The following GALNTL6 variants were observed in gnomAD, a reference collection of about 807,000 sequenced individuals.
The protein encoded by GALNTL6 is polypeptide N-acetylgalactosaminyltransferase like 6, also known as polypeptide N-acetylgalactosaminyltransferase-like 6.
Under a neutral mutation model 73.7 loss-of-function variants are expected in GALNTL6, and 46 were observed. That is an observed-to-expected ratio of 0.62 (90% CI 0.49 to 0.80). The LOEUF (loss-of-function observed/expected upper bound fraction) is 0.80, where lower values mean the gene tolerates loss of function less well. Ranked by LOEUF, GALNTL6 falls within the 30% of genes least tolerant of loss-of-function variation. GALNTL6 has a pLI of 0.00. For synonymous variants in GALNTL6, 259 were observed against 263.7 expected (o/e 0.98, Z 0.17); for missense variants, 604 against 755.0 (o/e 0.80, Z 2.34).
intron 5 of GALNTL6, chr4:172,669,328 A>T (rs1325006086): frequency 6.6e-6 from 1 of 152,176 alleles, no homozygotes; most frequent in African/African-American, 2.4e-5. Context: ...ACTCTCCCCC[A>T]CTTAACTAAG....
intron 2 of GALNTL6, among the ~76,000 whole-genome samples, chr4:171,888,188 A>T (rs931975969): frequency 2.6e-5 from 4 of 151,936 alleles, no homozygotes; most frequent in Non-Finnish European, 5.9e-5. Context: ...CGTCAGTGAG[A>T]ATTTAATAAC....
intron 2 of GALNTL6, among the ~76,000 whole-genome samples, chr4:171,904,580 A>G (rs939924014): frequency 1.1e-4 from 17 of 152,196 alleles, no homozygotes; most frequent in Non-Finnish European, 2.2e-4. Context: ...GCAGGATATT[A>G]TCCAGGAGAA....
chr4:172,318,366 A>G (rs193243049), intron 4 of GALNTL6, among the ~76,000 whole-genome samples: 2 of 152,186 alleles, frequency 1.3e-5, no homozygotes, highest in African/African-American at 4.8e-5. Flanking sequence ...GTCAGACATT[A>G]ACCTTTTGGA....
At chr4:172,751,701 C>T (rs536287967) in intron 5 of GALNTL6, among the ~76,000 whole-genome samples, 2 of 152,320 alleles carry the variant, frequency 1.3e-5, no homozygotes, top group African/African-American at 4.8e-5. Context: ...TGGGCACATC[C>T]ACAAGACACA....
chr4:171,899,503 A>G (rs1737020715), intron 2 of GALNTL6, among the ~76,000 whole-genome samples: 1 of 152,160 alleles, frequency 6.6e-6, no homozygotes, highest in Admixed American at 6.5e-5. Context: ...TATTTAATGT[A>G]TCACGGTCTA....
chr4:172,552,837 T>TAAAAAAAAAAAAAAAAAAAAAAAAAAAA (rs397933315), intron 5 of GALNTL6, among the ~76,000 whole-genome samples: 6 of 80,410 alleles, frequency 7.5e-5, no homozygotes, highest in African/African-American at 1.8e-4. Flanking sequence ...GTAATTGCAG[T>TAAAAAAAAAAAAAAAAAAAAAAAAAAAA]AAAAAAAAAA....
intron 5 of GALNTL6, among the ~76,000 whole-genome samples, chr4:172,357,634 T>TACACAC (rs5864129): frequency 0.056 from 8,167 of 145,676 alleles, 478 homozygotes; most frequent in African/African-American, 0.14. Flanking sequence ...TATAGATATA[T>TACACAC]ACACACACAC....
chr4:172,928,493 A>T, intron 8 of GALNTL6, among the ~76,000 whole-genome samples: 1 of 152,258 alleles, frequency 6.6e-6, no homozygotes, highest in East Asian at 1.9e-4. Flanking sequence ...GCCTTAAATT[A>T]TCAGCTAGAT....
chr4:171,874,392 G>T (rs555346436), intron 2 of GALNTL6, among the ~76,000 whole-genome samples: 2 of 152,144 alleles, frequency 1.3e-5, no homozygotes, highest in African/African-American at 4.8e-5. Context: ...GTTTCACAAT[G>T]TTGGCCAGGC....
chr4:171,941,317 G>GA (rs1032790688), intron 2 of GALNTL6, among the ~76,000 whole-genome samples: 14 of 151,626 alleles, frequency 9.2e-5, no homozygotes, highest in African/African-American at 2.7e-4. Context: ...CCCTTTATTT[G>GA]AAAAAAAAGA....
intron 5 of GALNTL6, among the ~76,000 whole-genome samples, chr4:172,497,402 G>T (rs780897253): frequency 1.3e-5 from 2 of 152,172 alleles, no homozygotes; most frequent in African/African-American, 2.4e-5. Flanking sequence ...ATTACCTGAT[G>T]ATTTTTCTAA....
intron 3 of GALNTL6, among the ~76,000 whole-genome samples, chr4:172,261,236 G>GT (rs965789349): frequency 2.7e-5 from 4 of 150,934 alleles, no homozygotes; most frequent in African/African-American, 7.3e-5. Context: ...TCTGGTCCTG[G>GT]TTTTTTTTGT....
chr4:172,114,446 T>C (rs966025357), intron 2 of GALNTL6, among the ~76,000 whole-genome samples: 1 of 152,032 alleles, frequency 6.6e-6, no homozygotes, highest in African/African-American at 2.4e-5. Context: ...ATCTGAACCA[T>C]GCCAGCAGGT....
At chr4:172,057,730 ATAT>A (rs1731072078) in intron 2 of GALNTL6, among the ~76,000 whole-genome samples, 130 of 59,348 alleles carry the variant, frequency 2.2e-3, no homozygotes, top group African/African-American at 8.0e-3. Flanking sequence ...AAAAAAAAAT[ATAT>A]ATATATATAT....
At chr4:172,974,827 G>T (rs967027323) in intron 10 of GALNTL6, among the ~76,000 whole-genome samples, 1 of 152,194 alleles carries the variant, frequency 6.6e-6, no homozygotes, top group Non-Finnish European at 1.5e-5. Context: ...TCCAGGCACC[G>T]GCACGGACAC....
chr4:171,958,037 T>C (rs1739109305), intron 2 of GALNTL6, among the ~76,000 whole-genome samples: 1 of 152,176 alleles, frequency 6.6e-6, no homozygotes, highest in Admixed American at 6.5e-5. Flanking sequence ...GTAAGTAATA[T>C]GGCCTCACAT....
rs541585353 is a variant in GALNTL6, at chr4:172,154,895, C to A, written c.139-74761C>A. Among the ~76,000 whole-genome samples, 381 of 152,300 alleles carry A rather than the reference C, an allele frequency of 2.5e-3. 1 individual carries two copies. Among genetic ancestry groups the A allele is most frequent in the Non-Finnish European group, 4.4e-3 (300 of 68,036 alleles). ...TGGCTGTAGTCTGAAAGTTTATGTG[C>A]CCCTAAAATTAATATGTCAAAATCC... On this transcript the variant is annotated intron_variant, in intron 2 of 12. Coordinates refer to ENST00000506823, the MANE Select transcript of GALNTL6 (RefSeq NM_001034845.3).
chr4:173,032,382 C>T (rs940601300), intron 12 of GALNTL6, among the ~76,000 whole-genome samples: 45 of 150,762 alleles, frequency 3.0e-4, no homozygotes, highest in African/African-American at 1.1e-3. Flanking sequence ...ACCCGGGAGG[C>T]GGAGCTTGCA....
chr4:172,748,507 A>G (rs570603382), intron 5 of GALNTL6, among the ~76,000 whole-genome samples: 4 of 152,126 alleles, frequency 2.6e-5, no homozygotes, highest in African/African-American at 9.6e-5. Flanking sequence ...ATGAAACAAC[A>G]TGGAAAAAAA....
Sources: allele counts gnomAD v4.1 joint callset (sites outside exome capture counted in the v4.1 genomes callset), GRCh38; gene constraint gnomAD v4.1.1; transcripts MANE v1.5; gene names NCBI Gene and HGNC (gene_info 2026-07-23, HGNC 2026-07-21).